Variants in HK1 observed in about 807,000 individuals in gnomAD.
The protein encoded by HK1 is hexokinase-1.
In HK1, 28 loss-of-function variants were observed where a neutral mutation model predicts 91.6. That is an observed-to-expected ratio of 0.31 (90% CI 0.23 to 0.42). The LOEUF is 0.42. Ranked by LOEUF, HK1 falls within the 10% of genes least tolerant of loss-of-function variation. The probability of loss-of-function intolerance (pLI) is 1.00; values close to 1 mark genes in which losing one functional copy is unlikely to be tolerated. For synonymous variants in HK1, 430 were observed against 468.1 expected (o/e 0.92, Z 1.05); for missense variants, 770 against 1,219.8 (o/e 0.63, Z 5.49).
At chr10:69,367,615 TC>T in intron 4 of HK1, among the ~76,000 whole-genome samples, 1 of 152,096 alleles carries the variant, frequency 6.6e-6, no homozygotes, top group Non-Finnish European at 1.5e-5. Context: ...AGGGCTGCCC[TC>T]CCTGGTGCAT....
chr10:69,388,605 T>C (rs1839756298), intron 13 of HK1, among the ~76,000 whole-genome samples: 1 of 152,238 alleles, frequency 6.6e-6, no homozygotes, highest in African/African-American at 2.4e-5. Flanking sequence ...AATTGCTTTT[T>C]TGATTTAATA....
intron 1 of HK1, among the ~76,000 whole-genome samples, chr10:69,337,058 TA>T (rs1848031779): frequency 6.6e-6 from 1 of 152,190 alleles, no homozygotes; most frequent in African/African-American, 2.4e-5. Context: ...TTCTGCACAT[TA>T]AAATCCTCCC....
intron 2 of HK1, among the ~76,000 whole-genome samples, chr10:69,286,658 C>T (rs1845047197): frequency 6.6e-6 from 1 of 151,952 alleles, no homozygotes; most frequent in Non-Finnish European, 1.5e-5. Context: ...AAGGGATTCT[C>T]CTGGCTCAGC....
At chr10:69,311,763 A>C (rs1164707888), upstream of HK1, among the ~76,000 whole-genome samples, 1 of 151,976 alleles carries the variant, frequency 6.6e-6, no homozygotes, top group Non-Finnish European at 1.5e-5. Context: ...CAGCCTCCCG[A>C]GTAGCTGGGA....
chr10:69,385,061 C>T, intron 12 of HK1, 146 bp downstream of exon 12: 1 of 867,416 alleles, frequency 1.2e-6, no homozygotes, highest in Non-Finnish European at 1.9e-6. Flanking sequence ...GGCTTTATTT[C>T]ACAGCCTGCA....
intron 1 of HK1, among the ~76,000 whole-genome samples, chr10:69,323,752 C>T (rs1847174892): frequency 6.6e-6 from 1 of 152,166 alleles, no homozygotes; most frequent in Non-Finnish European, 1.5e-5. Context: ...GGCAGGGTGT[C>T]TGTGAGGTGC....
At chr10:69,347,839 T>G (rs1848647590) in intron 2 of HK1, among the ~76,000 whole-genome samples, 1 of 152,182 alleles carries the variant, frequency 6.6e-6, no homozygotes, top group Non-Finnish European at 1.5e-5. Flanking sequence ...GATAAAGTTC[T>G]CCTTGGAGGG....
chr10:69,299,937 G>A (rs568212661), intron 4 of HK1, among the ~76,000 whole-genome samples: 2 of 151,756 alleles, frequency 1.3e-5, no homozygotes, highest in East Asian at 1.9e-4. Context: ...TGGGATTACA[G>A]GCCTCAGCCA....
rs1184538626 is a variant in HK1, at chr10:69,380,325, A to AAAAT, written c.1265+240_1265+243dup. 1.3e-5 allele frequency among the ~76,000 whole-genome samples: 2 copies of AAAAT among 152,188 alleles called. No individual in the cohort carries two copies. Among genetic ancestry groups the AAAAT allele is most frequent in the African/African-American group, 2.4e-5 (1 of 41,436 alleles). ...AAGACCTCATCTTTACGAAAAATTG[A>AAAAT]AAATAAATAAATAGATAAATAACAT... On this transcript the variant is annotated intron_variant, in intron 9 of 17. Coordinates refer to ENST00000359426, the MANE Select transcript of HK1 (RefSeq NM_000188.3). The surrounding 1 kb of genome is among the most constrained non-coding windows in gnomAD (Gnocchi z 4.0).
intron 1 of HK1, among the ~76,000 whole-genome samples, chr10:69,326,290 T>G (rs1326312069): frequency 1.3e-5 from 2 of 152,106 alleles, no homozygotes; most frequent in Non-Finnish European, 2.9e-5. Context: ...TGTGTATGCT[T>G]TCATATGCTC....
At chr10:69,398,285 A>G (rs905604819) in intron 16 of HK1, among the ~76,000 whole-genome samples, 1 of 152,254 alleles carries the variant, frequency 6.6e-6, no homozygotes, top group African/African-American at 2.4e-5. Context: ...AAAGAAAATC[A>G]CATATCAAGG....
intron 3 of HK1, among the ~76,000 whole-genome samples, chr10:69,289,498 G>T (rs573246365): frequency 2.0e-4 from 24 of 122,920 alleles, no homozygotes; most frequent in Non-Finnish European, 3.2e-4. Context: ...TTGAGATAGA[G>T]TCTCATTCTG....
chr10:69,400,973 T>A lies in HK1; in HGVS notation c.2610-18T>A. On this transcript the variant is annotated intron_variant, in intron 17 of 17. Coordinates refer to ENST00000359426, the MANE Select transcript of HK1 (RefSeq NM_000188.3). ...CTCATCTTCCTCCAACTACCTTCTG[T>A]TTTCTCGTCCTTTTTAGCTTCTCCA... The A allele has an allele frequency of 1.2e-6, 2 of 1,614,156 alleles. 1 individual carries two copies. Among genetic ancestry groups the A allele is most frequent in the South Asian group, 2.2e-5 (2 of 91,084 alleles).
chr10:69,289,110 T>C (rs1240689599), intron 3 of HK1, among the ~76,000 whole-genome samples: 1 of 152,158 alleles, frequency 6.6e-6, no homozygotes, highest in African/African-American at 2.4e-5. Context: ...ACATGTACCA[T>C]AGCCTGCTCA....
intron 1 of HK1, among the ~76,000 whole-genome samples, chr10:69,276,089 T>A (rs1240750884): frequency 2.0e-3 from 29 of 14,412 alleles, no homozygotes; most frequent in African/African-American, 2.7e-3. Flanking sequence ...AAACTCCTTT[T>A]CAAAAAAAAA....
chr10:69,376,333 A>G (rs950486051), intron 7 of HK1, among the ~76,000 whole-genome samples: 24 of 152,178 alleles, frequency 1.6e-4, no homozygotes, highest in Admixed American at 1.4e-3. Context: ...CCTAGGCAGC[A>G]TAAGGAGACT....
Position 69,395,005 on chromosome 10 carries a change from A to T in HK1, c.2275A>T (p.Ile759Phe). ...GGGTGAAATCGTCCGCAACATCTTAATCGACTTCACCAAGAAGGGATTCCT... is the reference window on the plus strand; with the variant it reads ...GGGTGAAATCGTCCGCAACATCTTATTCGACTTCACCAAGAAGGGATTCCT... ...YLGEIVRNIL[I>F]DFTKKGFLFR... The change falls in exon 16 of 18, where the codon ATC becomes TTC. Residue 759 changes from isoleucine (I) to phenylalanine (F), a missense_variant. By Grantham distance (21) the Ile-to-Phe change is conservative. Transcript: ENST00000359426. 6.2e-7 allele frequency: 1 copy of T among 1,614,072 alleles called. No homozygotes were observed. Among genetic ancestry groups the T allele is most frequent in the Non-Finnish European group, 8.5e-7 (1 of 1,179,988 alleles).
intron 2 of HK1, among the ~76,000 whole-genome samples, chr10:69,285,561 A>G (rs564480756): frequency 1.3e-5 from 2 of 152,334 alleles, no homozygotes; most frequent in African/African-American, 4.8e-5. Context: ...TAAATGACAC[A>G]ATAAACAAAG....
At chr10:69,295,600 TG>T in intron 3 of HK1, 1 of 1,512,064 alleles carries the variant, frequency 6.6e-7, no homozygotes, top group Non-Finnish European at 9.2e-7. Context: ...AAAATGCATT[TG>T]TAACACTTTA....
Sources: gnomAD v4.1 joint callset for allele counts (sites outside exome capture counted in the v4.1 genomes callset) on GRCh38, gnomAD v4.1.1 for gene constraint, Gnocchi (gnomAD v3.1) non-coding constraint, MANE v1.5 for transcripts, NCBI Gene and HGNC (gene_info 2026-07-23, HGNC 2026-07-21) for gene names.